The following PLEK variants were observed in gnomAD, a reference collection of about 807,000 sequenced individuals.
PLEK encodes pleckstrin, also known as platelet 47 kDa protein.
A neutral mutation model predicts 43.9 loss-of-function variants in PLEK; 25 were observed. The observed-to-expected ratio is 0.57, with a 90% CI of 0.41 to 0.79. The LOEUF (loss-of-function observed/expected upper bound fraction) is 0.79, where lower values mean the gene tolerates loss of function less well. PLEK is among the 30% of genes least tolerant of loss of function. The pLI is 0.00. For missense variants in PLEK, 396 were observed against 413.3 expected (o/e 0.96, Z 0.36); for synonymous variants, 152 against 144.4 (o/e 1.05, Z -0.38).
At chr2:68,394,341 G>A (rs1304253150) in intron 8 of PLEK, among the ~76,000 whole-genome samples, 165 bp downstream of exon 8, 13 of 152,220 alleles carry the variant, frequency 8.5e-5, no homozygotes, top group Non-Finnish European at 1.9e-4. Flanking sequence ...GGAGGCCGAG[G>A]AGGGCAGATC....
At chr2:68,387,592 A>G (rs1673772778) in intron 5 of PLEK, among the ~76,000 whole-genome samples, 1 of 152,172 alleles carries the variant, frequency 6.6e-6, no homozygotes, top group Non-Finnish European at 1.5e-5. Context: ...ATATTATACA[A>G]TGTGAACCTG....
chr2:68,385,084 G>A (rs1673710049), intron 4 of PLEK, among the ~76,000 whole-genome samples: 2 of 152,170 alleles, frequency 1.3e-5, no homozygotes, highest in South Asian at 4.1e-4. Flanking sequence ...TGACTCCCTT[G>A]TTGGCTACAT....
intron 4 of PLEK, among the ~76,000 whole-genome samples, chr2:68,384,246 C>T (rs1034540931): frequency 6.6e-6 from 1 of 151,752 alleles, no homozygotes; most frequent in African/African-American, 2.4e-5. Context: ...CCTTTTTCCT[C>T]TTCCTCTTCT....
At chr2:68,376,328 T>C (rs1254290168) in intron 1 of PLEK, among the ~76,000 whole-genome samples, 1 of 152,204 alleles carries the variant, frequency 6.6e-6, no homozygotes, top group Non-Finnish European at 1.5e-5. Context: ...GGGGAGCTTA[T>C]GGGTTGACTG....
At chr2:68,383,639 C>T (rs937750373) in intron 4 of PLEK, among the ~76,000 whole-genome samples, 12 of 152,032 alleles carry the variant, frequency 7.9e-5, no homozygotes, top group African/African-American at 2.2e-4. Flanking sequence ...GTAGGGCTGA[C>T]GGTTCATCAG....
At chr2:68,392,683 G>A (rs1188672512) in intron 6 of PLEK, among the ~76,000 whole-genome samples, 1 of 152,196 alleles carries the variant, frequency 6.6e-6, no homozygotes, top group Non-Finnish European at 1.5e-5. Flanking sequence ...ACATGGATAA[G>A]TGCAGGTCTT....
intron 1 of PLEK, among the ~76,000 whole-genome samples, 189 bp from the exon 2 acceptor site, chr2:68,380,139 G>A (rs17035388): frequency 0.16 from 25,028 of 152,094 alleles, 2,606 homozygotes; most frequent in African/African-American, 0.3. Flanking sequence ...GCAAAGAGCC[G>A]GGAGTAGAAA....
intron 6 of PLEK, 76 bp from the exon 7 acceptor site, chr2:68,393,086 A>T: frequency 1.1e-6 from 1 of 872,406 alleles, no homozygotes; most frequent in Non-Finnish European, 2.0e-6. Flanking sequence ...GCAAATAATT[A>T]TTCTGTAGGT....
chr2:68,384,669 A>G (rs1404264653), intron 4 of PLEK, among the ~76,000 whole-genome samples: 2 of 152,224 alleles, frequency 1.3e-5, no homozygotes, highest in Non-Finnish European at 2.9e-5. Flanking sequence ...ACATGATGGA[A>G]GACCTTAAAT....
At chr2:68,376,977 A>T (rs756497964) in intron 1 of PLEK, among the ~76,000 whole-genome samples, 2 of 151,878 alleles carry the variant, frequency 1.3e-5, no homozygotes, top group Non-Finnish European at 2.9e-5. Context: ...CCATGAGTTC[A>T]GTTGTTTTGA....
intron 5 of PLEK, among the ~76,000 whole-genome samples, chr2:68,387,182 T>C (rs1220524599): frequency 6.6e-6 from 1 of 152,264 alleles, no homozygotes; most frequent in Non-Finnish European, 1.5e-5. Context: ...ATTTTCGTAT[T>C]TTTAGTAAAG....
chr2:68,395,949 G>C lies in PLEK; in HGVS notation c.*133G>C. ...GAAGTTTTCATTTGCAGGGGGGTCT[G>C]AATGTAACTCACCATGTGGTGTGCA... On this transcript the variant is annotated 3_prime_UTR_variant, in exon 9 of 9. Transcript: ENST00000234313. The C allele has an allele frequency of 1.4e-6, 1 of 737,752 alleles. No individual in the cohort carries two copies. The highest frequency in any genetic ancestry group is 2.3e-6 in the Non-Finnish European group (1 of 429,596). 45.7% of individuals were successfully genotyped at this position (737,752 alleles called of 1,614,324 possible). A position where few individuals can be genotyped will look rare whatever the true frequency, so the allele number is the denominator to read the frequency against.
At chr2:68,384,411 T>G (rs901298642) in intron 4 of PLEK, among the ~76,000 whole-genome samples, 5 of 151,892 alleles carry the variant, frequency 3.3e-5, no homozygotes, top group African/African-American at 1.2e-4. Flanking sequence ...TTTTAGTAGA[T>G]TCGGGGTTTC....
Position 68,373,699 on chromosome 2 carries a change from G to A in PLEK, c.43-6629G>A, listed in dbSNP as rs1399165609. 3.9e-5 allele frequency among the ~76,000 whole-genome samples: 6 copies of A among 152,208 alleles called. No individual in the cohort carries two copies. In the East Asian group the frequency reaches 1.2e-3, roughly 30 times the overall value. On this transcript the variant is annotated intron_variant, in intron 1 of 8. Transcript: ENST00000234313. ...GCTACTGATGCATCCCAATTTCAAAGTCAAAAGCCCTGAGTGATGATGGCA... is the reference window on the plus strand; with the variant it reads ...GCTACTGATGCATCCCAATTTCAAAATCAAAAGCCCTGAGTGATGATGGCA...
At chr2:68,394,063 C>A in intron 7 of PLEK, 44 bp from the exon 8 acceptor site, 2 of 1,279,434 alleles carry the variant, frequency 1.6e-6, no homozygotes, top group South Asian at 1.2e-5. Flanking sequence ...TCTATCTATA[C>A]TCTGCATTTT....
At chr2:68,380,278 C>G (rs1673586023) in intron 1 of PLEK, 50 bp from the exon 2 acceptor site, 1 of 1,479,910 alleles carries the variant, frequency 6.8e-7, no homozygotes, top group South Asian at 1.3e-5. Flanking sequence ...GAGGAAAATA[C>G]AGTTTGCAAA....
rs1205505549 is a variant in PLEK at position 68,395,861 on chromosome 2, A to T, written c.*45A>T. On this transcript the variant is annotated 3_prime_UTR_variant, in exon 9 of 9. Coordinates refer to ENST00000234313, the MANE Select transcript of PLEK (RefSeq NM_002664.3). ...CTCCCCTCCTGAGGGAAGCCCATGG[A>T]CAAGCTCAGTCCAGGACCTGTCCAC... The T allele has an allele frequency of 3.2e-6, 5 of 1,561,122 alleles. No homozygotes were observed. The highest frequency in any genetic ancestry group is 4.4e-6 in the Non-Finnish European group (5 of 1,133,540).
chr2:68,372,177 A>ATT (rs57326035), intron 1 of PLEK, among the ~76,000 whole-genome samples: 42 of 148,384 alleles, frequency 2.8e-4, no homozygotes, highest in East Asian at 5.9e-4. Context: ...AGAGAAGTTC[A>ATT]TTTTTTTTTT....
Position 68,393,233 on chromosome 2 carries a change from T to A in PLEK, c.834T>A (p.Tyr278Ter). The change falls in exon 7 of 9, where the codon TAT (tyrosine) becomes TAA (stop). Residue 278 changes from tyrosine (Y) to a stop codon, truncating the protein, a stop_gained. Coordinates refer to ENST00000234313, the MANE Select transcript of PLEK (RefSeq NM_002664.3). LOFTEE classifies it high-confidence loss of function. ...AAGACCCTGCCTACCTGCACTACTATGACCCTGCTGGGGTAAGGTCCTGTG... is the reference window on the plus strand; with the variant it reads ...AAGACCCTGCCTACCTGCACTACTAAGACCCTGCTGGGGTAAGGTCCTGTG... Reference protein sequence around the residue: ...LREDPAYLHYYDPAGAEDPLG... With the variant: ...LREDPAYLHY 6.2e-7 allele frequency: 1 copy of A among 1,605,852 alleles called. No individual in the cohort carries two copies. Among genetic ancestry groups the A allele is most frequent in the Non-Finnish European group, 8.5e-7 (1 of 1,172,420 alleles).
Sources: allele counts gnomAD v4.1 joint callset (sites outside exome capture counted in the v4.1 genomes callset), GRCh38; gene constraint gnomAD v4.1.1; transcripts MANE v1.5; gene names NCBI Gene and HGNC (gene_info 2026-07-23, HGNC 2026-07-21).